DOCK2: variants seen among roughly 807,000 people sequenced by gnomAD.
The protein encoded by DOCK2 is dedicator of cytokinesis protein 2.
A neutral mutation model predicts 248.9 loss-of-function variants in DOCK2; 87 were observed. The ratio of observed to expected loss-of-function variants is 0.35; its 90% CI spans 0.29 to 0.42. The LOEUF (loss-of-function observed/expected upper bound fraction) is 0.42, where lower values mean the gene tolerates loss of function less well. Ranked by LOEUF, DOCK2 falls within the 10% of genes least tolerant of loss-of-function variation. The pLI, the probability that DOCK2 is intolerant of heterozygous loss-of-function variation, is 1.00. For synonymous variants in DOCK2, 805 were observed against 821.6 expected, an observed-to-expected ratio of 0.98 and a Z score of 0.35; for missense variants, 1,747 against 2,300.2, an observed-to-expected ratio of 0.76 and a Z score of 4.92.
rs571979151 is a variant in DOCK2 at position 169,929,571 on chromosome 5, TAACAAC to T, written c.2800-53482_2800-53477del. On this transcript the variant is annotated intron_variant, in intron 27 of 51. Coordinates refer to ENST00000520908, the MANE Select transcript of DOCK2 (RefSeq NM_004946.3). ...GGGCAACATGATGAAACCTTGTCTC[TAACAAC>T]AACAACAACAACAAAATTAGCTGAG... Among the ~76,000 whole-genome samples, 124 of 151,654 alleles carry T rather than the reference TAACAAC, an allele frequency of 8.2e-4. 1 individual carries two copies. The highest frequency in any genetic ancestry group is 2.8e-3 in the African/African-American group (116 of 41,356).
intron 25 of DOCK2, among the ~76,000 whole-genome samples, chr5:169,777,085 T>C (rs761649782): frequency 1.3e-5 from 2 of 152,234 alleles, no homozygotes; most frequent in African/African-American, 4.8e-5. Flanking sequence ...TTGTTTACCA[T>C]TGGATGTGAG....
In DOCK2 at chr5:169,976,732, G is replaced by A. The variant is rs565526582; in HGVS notation, c.2800-6336G>A. 1.2e-4 allele frequency among the ~76,000 whole-genome samples: 19 copies of A among 152,328 alleles called. No homozygotes were observed. The South Asian group carries it at 1.5e-3, about 12-fold the overall frequency. On this transcript the variant is annotated intron_variant, in intron 27 of 51. Transcript: ENST00000520908. The stretch of plus-strand genomic sequence containing the variant: ...CGAGCCTTGATTCAAAGCAGCCTGC[G>A]CTTCTGGCCCCTTGTCTGTGCTTAA...
intron 36 of DOCK2, among the ~76,000 whole-genome samples, chr5:170,038,087 AG>A (rs1233988280): frequency 6.6e-6 from 1 of 152,342 alleles, no homozygotes; most frequent in Admixed American, 6.5e-5. Flanking sequence ...AGCAGCACAA[AG>A]CTTTGGGGTC....
At position 169,977,651 on chromosome 5, in the gene DOCK2, G is replaced by A. The variant is rs1428357284; in HGVS notation, c.2800-5417G>A. Among the ~76,000 whole-genome samples, 3 of 152,196 alleles carry A rather than the reference G, an allele frequency of 2.0e-5. No homozygotes were observed. In the East Asian group the frequency reaches 5.8e-4, roughly 29 times the overall value. On this transcript the variant is annotated intron_variant, in intron 27 of 51. Transcript: ENST00000520908. ...GCCCCCACTCTCATGCTTGCATCCT[G>A]GCAGAACCAGATGTAAGCTCTTTAG... is the stretch of plus-strand genomic sequence containing the variant.
At chr5:169,985,734 C>A in intron 28 of DOCK2, 94 bp from the exon 29 acceptor site, 1 of 998,494 alleles carries the variant, frequency 1.0e-6, no homozygotes, top group Non-Finnish European at 1.4e-6. Context: ...CTTTTCCTCC[C>A]TCCAAAATAT....
intron 27 of DOCK2, among the ~76,000 whole-genome samples, chr5:169,847,240 A>G (rs1469732062): frequency 1.3e-5 from 2 of 152,158 alleles, no homozygotes; most frequent in Non-Finnish European, 2.9e-5. Context: ...TGAATGGTAG[A>G]TCTACTTTTG....
chr5:169,725,012 G>A (rs190498650), intron 22 of DOCK2, among the ~76,000 whole-genome samples: 6 of 152,286 alleles, frequency 3.9e-5, no homozygotes, highest in African/African-American at 1.4e-4. Context: ...GTGCTTGCCA[G>A]TGTGATTTGT....
At chr5:169,945,200 G>C (rs993196108) in intron 27 of DOCK2, among the ~76,000 whole-genome samples, 2 of 152,244 alleles carry the variant, frequency 1.3e-5, no homozygotes, top group Non-Finnish European at 2.9e-5. Context: ...TGCTGCAGCT[G>C]TATGAGCTTG....
intron 23 of DOCK2, among the ~76,000 whole-genome samples, chr5:169,751,678 C>T (rs1763901888): frequency 6.6e-6 from 1 of 152,194 alleles, no homozygotes; most frequent in African/African-American, 2.4e-5. Context: ...TTGTGAGTTG[C>T]TTTCTGTGGT....
chr5:170,031,106 C>T (rs1489079817), intron 34 of DOCK2, among the ~76,000 whole-genome samples: 1 of 152,224 alleles, frequency 6.6e-6, no homozygotes, highest in Non-Finnish European at 1.5e-5. Context: ...AAGTGTAAGT[C>T]TCACATTGAA....
intron 26 of DOCK2, among the ~76,000 whole-genome samples, chr5:169,821,305 G>T (rs192220680): frequency 4.0e-4 from 60 of 151,624 alleles, no homozygotes; most frequent in African/African-American, 1.4e-3. Context: ...GCAACTCCAA[G>T]ACACATAATT....
At chr5:170,072,596 A>G (rs1316422110) in intron 46 of DOCK2, among the ~76,000 whole-genome samples, 1 of 152,226 alleles carries the variant, frequency 6.6e-6, no homozygotes, top group Non-Finnish European at 1.5e-5. Flanking sequence ...ACTGGACACA[A>G]GAAGCAGTTT....
At chr5:169,860,485 G>A (rs923385601) in intron 27 of DOCK2, among the ~76,000 whole-genome samples, 2 of 152,174 alleles carry the variant, frequency 1.3e-5, no homozygotes, top group African/African-American at 4.8e-5. Context: ...AGGAATCAGA[G>A]GCTCACAGAA....
Position 169,828,457 on chromosome 5 carries a change from G to A in DOCK2, c.2704-12300G>A, listed in dbSNP as rs80317341. 5.8e-3 allele frequency among the ~76,000 whole-genome samples: 885 copies of A among 152,250 alleles called. 10 individuals carry two copies. The highest frequency in any genetic ancestry group is 0.021 in the African/African-American group (853 of 41,542). On this transcript the variant is annotated intron_variant, in intron 26 of 51. Transcript: ENST00000520908. ...GACTTGGAAGGGATTTGTGGGAGAA[G>A]TCCATTTTGAAAAATGAGGATAGTA...
At chr5:170,068,753 G>T (rs543298205) in intron 45 of DOCK2, among the ~76,000 whole-genome samples, 1 of 152,284 alleles carries the variant, frequency 6.6e-6, no homozygotes, top group African/African-American at 2.4e-5. Flanking sequence ...AAACTTGAAA[G>T]GAGCATCAGA....
Position 170,081,870 on chromosome 5 carries a change from T to C in DOCK2, c.5316T>C (p.Pro1772=), listed in dbSNP as rs781726791. The C allele has an allele frequency of 5.6e-6, 9 of 1,599,032 alleles. No homozygotes were observed. The African/African-American group carries it at 1.2e-4, about 22-fold the overall frequency. ...TGGCGCTCTCAGTGGCAGGCATCCCTGGGTTGGATGAGGCCAACACATCTC... is the reference window on the plus strand; with the variant it reads ...TGGCGCTCTCAGTGGCAGGCATCCCCGGGTTGGATGAGGCCAACACATCTC... ...PALALSVAGI[P]GLDEANTSPR... Residue 1772 remains proline (P), a synonymous_variant, in exon 51 of 52, where the codon CCT becomes CCC. Transcript: ENST00000520908.
rs552063992 is a variant in DOCK2 at position 170,013,277 on chromosome 5, C to T, written c.3232+4531C>T. ...CCATCCGTCCATTCATTTACTCATTCGTTTACTAACCAACATCGAGCACTG... is the reference window on the plus strand; with the variant it reads ...CCATCCGTCCATTCATTTACTCATTTGTTTACTAACCAACATCGAGCACTG... On this transcript the variant is annotated intron_variant, in intron 32 of 51. Coordinates refer to ENST00000520908, the MANE Select transcript of DOCK2 (RefSeq NM_004946.3). Among the ~76,000 whole-genome samples, 11 of 152,192 alleles carry T rather than the reference C, an allele frequency of 7.2e-5. No individual in the cohort carries two copies. The South Asian group carries it at 1.2e-3, about 17-fold the overall frequency.
chr5:169,956,039 G>GAA lies in DOCK2; in HGVS notation c.2800-27016_2800-27015dup, dbSNP rs577395351. Among the ~76,000 whole-genome samples the GAA allele has an allele frequency of 3.0e-5, 4 of 132,898 alleles. No individual in the cohort carries two copies. In the South Asian group the frequency reaches 7.3e-4, roughly 24 times the overall value. The allele number at this position is 132,898 out of a possible 152,430, so 87.2% of individuals were successfully genotyped here. On this transcript the variant is annotated intron_variant, in intron 27 of 51. Coordinates refer to ENST00000520908, the MANE Select transcript of DOCK2 (RefSeq NM_004946.3). ...TCAAATGTGGGGGAGACATAGATTT[G>GAA]AAAAAAAAAAAAAAGAGCCCAGGCT...
At chr5:169,779,117 C>T (rs563922449) in intron 25 of DOCK2, among the ~76,000 whole-genome samples, 3 of 152,202 alleles carry the variant, frequency 2.0e-5, no homozygotes, top group African/African-American at 7.2e-5. Context: ...AACAAAACTA[C>T]TCCAAAAATA....
Sources: allele counts gnomAD v4.1 joint callset (sites outside exome capture counted in the v4.1 genomes callset), GRCh38; gene constraint gnomAD v4.1.1; transcripts MANE v1.5; gene names NCBI Gene and HGNC (gene_info 2026-07-23, HGNC 2026-07-21).